Variants in CYFIP2 observed in about 807,000 individuals in gnomAD.
CYFIP2 encodes the protein cytoplasmic FMR1 interacting protein 2, also known as cytoplasmic FMR1-interacting protein 2.
In CYFIP2, 29 loss-of-function variants were observed where a neutral mutation model predicts 158.7. That is an observed-to-expected ratio of 0.18 (90% CI 0.14 to 0.25). The LOEUF (loss-of-function observed/expected upper bound fraction) is 0.25. Ranked by LOEUF, CYFIP2 falls within the 10% of genes least tolerant of loss-of-function variation. CYFIP2 has a pLI of 1.00. For synonymous variants in CYFIP2, 585 were observed against 617.6 expected (o/e 0.95, Z 0.78); for missense variants, 852 against 1,639.5 (o/e 0.52, Z 8.29).
intron 11 of CYFIP2, 128 bp from the exon 12 acceptor site, chr5:157,314,216 G>A (rs1490303064): frequency 8.1e-7 from 1 of 1,236,242 alleles, no homozygotes; most frequent in Non-Finnish European, 1.1e-6. Flanking sequence ...ACTTGTCTGA[G>A]CCTCAGTTTA....
At chr5:157,349,226 C>A (rs921016075) in intron 23 of CYFIP2, among the ~76,000 whole-genome samples, 7 of 152,114 alleles carry the variant, frequency 4.6e-5, no homozygotes, top group Non-Finnish European at 2.9e-5. Flanking sequence ...ACCCATCATA[C>A]GAGCAGTATA....
At chr5:157,328,173 C>G in intron 19 of CYFIP2, 124 bp downstream of exon 19, 1 of 892,656 alleles carries the variant, frequency 1.1e-6, no homozygotes, top group East Asian at 2.7e-5. Flanking sequence ...TTCCACGGAC[C>G]CGGACTGGGT....
chr5:157,390,883 G>A (rs373647930), intron 30 of CYFIP2, among the ~76,000 whole-genome samples: 1 of 152,198 alleles, frequency 6.6e-6, no homozygotes, highest in African/African-American at 2.4e-5. Flanking sequence ...ACCCCGAAGG[G>A]CAGGGCTGGG....
chr5:157,363,990 G>A (rs1324211720), intron 26 of CYFIP2: 1 of 152,118 alleles, frequency 6.6e-6, no homozygotes, highest in Non-Finnish European at 1.5e-5. Context: ...GAGAGGCTCT[G>A]AAATGGGGAC....
intron 20 of CYFIP2, 74 bp downstream of exon 20, chr5:157,330,924 G>C (rs1405219920): frequency 1.7e-6 from 2 of 1,191,908 alleles, no homozygotes; most frequent in Non-Finnish European, 2.5e-6. Context: ...ATAGAGATCA[G>C]AAATCAGGCC....
chr5:157,280,989 C>T (rs905887343), intron 1 of CYFIP2, among the ~76,000 whole-genome samples: 2 of 152,216 alleles, frequency 1.3e-5, no homozygotes, highest in African/African-American at 4.8e-5. Context: ...ATAAGGTCCA[C>T]ACATGATAGT....
intron 20 of CYFIP2, among the ~76,000 whole-genome samples, 154 bp from the exon 21 acceptor site, chr5:157,333,173 T>G (rs1486223860): frequency 2.0e-5 from 3 of 152,182 alleles, no homozygotes; most frequent in Non-Finnish European, 4.4e-5. Flanking sequence ...TCCACCTCAA[T>G]GGACAGGCTG....
At chr5:157,314,240 T>C (rs142634268) in intron 11 of CYFIP2, 104 bp from the exon 12 acceptor site, 20 of 1,401,366 alleles carry the variant, frequency 1.4e-5, no homozygotes, top group Middle Eastern at 1.9e-4. Flanking sequence ...GTCAAGGGGA[T>C]GTAATAATAG....
intron 28 of CYFIP2, chr5:157,384,974 GTGGT>G (rs1373797166): frequency 3.3e-5 from 5 of 152,642 alleles, no homozygotes; most frequent in African/African-American, 5.1e-5. Context: ...GCAGCTAATG[GTGGT>G]TGGGTTCTTT....
chr5:157,361,390 T>C lies in CYFIP2; in HGVS notation c.2909-78T>C. The C allele has an allele frequency of 6.3e-7, 1 of 1,595,114 alleles. No homozygotes were observed. The highest frequency in any genetic ancestry group is 8.6e-7 in the Non-Finnish European group (1 of 1,167,214). On this transcript the variant is annotated intron_variant, in intron 25 of 30. Coordinates refer to ENST00000620254, the MANE Select transcript of CYFIP2 (RefSeq NM_001037333.3). This position sits in a 1 kb window ranked among gnomAD's most constrained non-coding sequence, Gnocchi z 4.4. ...GCTATCCCAGAGTCAGGTCTGGGGCTGCCACTCAGTCATTGTTTCCCATAG... is the reference window on the plus strand; with the variant it reads ...GCTATCCCAGAGTCAGGTCTGGGGCCGCCACTCAGTCATTGTTTCCCATAG...
chr5:157,324,192 A>G lies in CYFIP2; in HGVS notation c.1825+118A>G, dbSNP rs562712936. ...CGTGACCGTTGACCCTAAGGGGCAC[A>G]TATCACCACCAAGGAAAAAACACAT... On this transcript the variant is annotated intron_variant, in intron 16 of 30. Coordinates refer to ENST00000620254, the MANE Select transcript of CYFIP2 (RefSeq NM_001037333.3). 56 of 1,201,778 alleles carry G rather than the reference A, an allele frequency of 4.7e-5. No homozygotes were observed. In the African/African-American group the frequency reaches 8.0e-4, roughly 17 times the overall value. The allele number at this position is 1,201,778 out of a possible 1,614,324, so 74.4% of individuals were successfully genotyped here.
chr5:157,301,804 A>T (rs1174121228), intron 6 of CYFIP2, among the ~76,000 whole-genome samples: 1 of 152,078 alleles, frequency 6.6e-6, no homozygotes, highest in Non-Finnish European at 1.5e-5. Context: ...AAAGTGGGGG[A>T]GGAGTCATTC....
intron 30 of CYFIP2, among the ~76,000 whole-genome samples, chr5:157,391,966 GAA>G (rs1485603607): frequency 2.6e-5 from 4 of 151,946 alleles, no homozygotes; most frequent in Admixed American, 2.0e-4. Context: ...CCTGAGGGGT[GAA>G]AAAGTTATCT....
intron 6 of CYFIP2, among the ~76,000 whole-genome samples, chr5:157,301,572 G>C (rs1189947624): frequency 6.6e-6 from 1 of 152,166 alleles, no homozygotes; most frequent in Non-Finnish European, 1.5e-5. Flanking sequence ...AGGTGTAGAG[G>C]TGGAGACACC....
At position 157,361,515 on chromosome 5, in the gene CYFIP2, G is replaced by A. The variant is rs377125065; in HGVS notation, c.2956G>A (p.Ala986Thr). Reference sequence around the variant, plus strand: ...CCAGCTGAAGGACATCATTGAGTACGCAGAGCTCAAAACAGACGTGTTCCA... The same window carrying A: ...CCAGCTGAAGGACATCATTGAGTACACAGAGCTCAAAACAGACGTGTTCCA... The part of the protein sequence containing the change: ...HHQLKDIIEY[A>T]ELKTDVFQSL... The change falls in exon 26 of 31, where the codon GCA (alanine) becomes ACA (threonine). Residue 986 changes from alanine (A) to threonine (T), a missense_variant. Physicochemically the swap from Ala to Thr is moderately conservative, Grantham distance 58 (BLOSUM62 0). Coordinates refer to ENST00000620254, the MANE Select transcript of CYFIP2 (RefSeq NM_001037333.3). This position sits in a 1 kb window ranked among gnomAD's most constrained non-coding sequence, Gnocchi z 4.4. 7 of 1,613,884 alleles carry A rather than the reference G, an allele frequency of 4.3e-6. No individual in the cohort carries two copies. Among genetic ancestry groups the A allele is most frequent in the Middle Eastern group, 1.6e-4 (1 of 6,082 alleles).
rs541641773 is a variant in CYFIP2 at position 157,332,639 on chromosome 5, G to A, written c.2266-688G>A. ...ATGCACGTAGTTGTCAGGTGTCAGC[G>A]CGAATCTTTATTTATTTTTTAAGAG... On this transcript the variant is annotated intron_variant, in intron 20 of 30. Coordinates refer to ENST00000620254, the MANE Select transcript of CYFIP2 (RefSeq NM_001037333.3). Among the ~76,000 whole-genome samples, 7 of 152,196 alleles carry A rather than the reference G, an allele frequency of 4.6e-5. No homozygotes were observed. In the South Asian group the frequency reaches 6.2e-4, roughly 14 times the overall value.
intron 1 of CYFIP2, among the ~76,000 whole-genome samples, chr5:157,270,482 G>C (rs760607288): frequency 2.0e-5 from 3 of 152,230 alleles, no homozygotes; most frequent in African/African-American, 7.2e-5. Context: ...TTGCAGGGCT[G>C]ACCCTCAGAG....
At chr5:157,309,054 C>G (rs932844687) in intron 9 of CYFIP2, among the ~76,000 whole-genome samples, 1 of 152,292 alleles carries the variant, frequency 6.6e-6, no homozygotes, top group East Asian at 1.9e-4. Flanking sequence ...ATCCTGGCTT[C>G]TTGACTTCTA....
At chr5:157,267,836 T>C (rs984833803) in intron 1 of CYFIP2, among the ~76,000 whole-genome samples, 15 of 152,254 alleles carry the variant, frequency 9.9e-5, no homozygotes, top group African/African-American at 3.6e-4. Context: ...GGTAGTTCTT[T>C]TGGGAACGGG....
Sources: allele counts gnomAD v4.1 joint callset (sites outside exome capture counted in the v4.1 genomes callset), GRCh38; gene constraint gnomAD v4.1.1; non-coding constraint Gnocchi (gnomAD v3.1); transcripts MANE v1.5; gene names NCBI Gene and HGNC (gene_info 2026-07-23, HGNC 2026-07-21).